TIAM2: variants seen among roughly 807,000 people sequenced by gnomAD.
The protein encoded by TIAM2 is TIAM Rac1 associated GEF 2.
TIAM2 carries 80 observed loss-of-function variants against 152.9 expected under a neutral mutation model. The ratio of observed to expected loss-of-function variants is 0.52; its 90% confidence interval spans 0.44 to 0.63. TIAM2 has a LOEUF of 0.63. TIAM2 is among the 30% of genes least tolerant of loss of function. TIAM2 has a pLI of 0.00. For missense variants in TIAM2, 1,965 were observed against 2,120.1 expected, an observed-to-expected ratio of 0.93 and a Z score of 1.44; for synonymous variants, 804 against 838.0, an observed-to-expected ratio of 0.96 and a Z score of 0.70.
chr6:155,029,414 ATACTATATATAC>A (rs1776747769), intron 1 of TIAM2, among the ~76,000 whole-genome samples: 1 of 90,558 alleles, frequency 1.1e-5, no homozygotes, highest in African/African-American at 4.3e-5. Context: ...TATATAATAT[ATACTATATATAC>A]TATAGTATAT....
At chr6:155,189,252 C>G (rs1309305570) in intron 14 of TIAM2, among the ~76,000 whole-genome samples, 1 of 152,164 alleles carries the variant, frequency 6.6e-6, no homozygotes, top group Non-Finnish European at 1.5e-5. Flanking sequence ...AGAGAATGCT[C>G]TGTTTGTGTG....
chr6:155,155,721 C>T (rs994225027), intron 7 of TIAM2, among the ~76,000 whole-genome samples: 12 of 152,234 alleles, frequency 7.9e-5, no homozygotes, highest in African/African-American at 2.6e-4. Context: ...GCAATCTGCC[C>T]GCCTTGGCCT....
intron 26 of TIAM2, chr6:155,254,784 C>A: frequency 3.6e-6 from 2 of 557,826 alleles, no homozygotes; most frequent in Non-Finnish European, 6.3e-6. Flanking sequence ...TGTCTTCCTA[C>A]CCGCTGACAT....
At chr6:155,023,327 C>T (rs539871337) in intron 1 of TIAM2, among the ~76,000 whole-genome samples, 2 of 152,184 alleles carry the variant, frequency 1.3e-5, no homozygotes, top group South Asian at 2.1e-4. Flanking sequence ...GCCACGAGGG[C>T]GGTTGTTGAT....
chr6:155,196,699 A>G lies in TIAM2; in HGVS notation c.3064+13199A>G, dbSNP rs537377744. 6.6e-5 allele frequency among the ~76,000 whole-genome samples: 10 copies of G among 152,348 alleles called. No individual in the cohort carries two copies. The South Asian group carries it at 8.3e-4, about 13-fold the overall frequency. Reference sequence around the variant, plus strand: ...CACTCATAGTGTAAGGCAAACACATATTTGTTTATAGGAGAATAAATCAAT... The same window carrying G: ...CACTCATAGTGTAAGGCAAACACATGTTTGTTTATAGGAGAATAAATCAAT... On this transcript the variant is annotated intron_variant, in intron 14 of 26. Transcript: ENST00000682666.
intron 7 of TIAM2, among the ~76,000 whole-genome samples, chr6:155,149,932 A>AG (rs1367496461): frequency 3.3e-5 from 5 of 151,294 alleles, no homozygotes; most frequent in Non-Finnish European, 5.9e-5. Flanking sequence ...AAAAAAAAAA[A>AG]GAATTCAGCA....
chr6:155,006,280 A>G (rs986234439), intron 1 of TIAM2, among the ~76,000 whole-genome samples: 11 of 152,290 alleles, frequency 7.2e-5, no homozygotes, highest in African/African-American at 2.2e-4. Flanking sequence ...GGGACAAACA[A>G]GTAAAGAAGA....
At chr6:155,200,213 A>G (rs1781445130) in intron 14 of TIAM2, among the ~76,000 whole-genome samples, 2 of 152,198 alleles carry the variant, frequency 1.3e-5, no homozygotes, top group African/African-American at 4.8e-5. Flanking sequence ...GATGATCAGA[A>G]AGGTCTTGTG....
intron 24 of TIAM2, 25 bp from the exon 25 acceptor site, chr6:155,253,948 C>G: frequency 6.3e-7 from 1 of 1,597,874 alleles, no homozygotes; most frequent in African/African-American, 1.3e-5. Context: ...GTTGTAGACT[C>G]TTGTTTCCAT....
At position 155,131,821 on chromosome 6, in the gene TIAM2, C is replaced by T. The variant is rs1779454740; in HGVS notation, c.1194+1404C>T. 2.0e-5 allele frequency among the ~76,000 whole-genome samples: 3 copies of T among 152,046 alleles called. No homozygotes were observed. In the South Asian group the frequency reaches 6.2e-4, roughly 32 times the overall value. On this transcript the variant is annotated intron_variant, in intron 4 of 26. Transcript: ENST00000682666. ...CTGGAACTCCTGACCTCAGGTGATC[C>T]ACCTGCCTCGGCCTCCCAACATGCT...
chr6:155,003,486 G>C (rs1409100757), intron 1 of TIAM2, among the ~76,000 whole-genome samples: 1 of 152,016 alleles, frequency 6.6e-6, no homozygotes, highest in Non-Finnish European at 1.5e-5. Context: ...TCTCAAAAAA[G>C]AAAAGAAATT....
chr6:155,030,043 T>C (rs1028163025), intron 1 of TIAM2, among the ~76,000 whole-genome samples: 6 of 152,184 alleles, frequency 3.9e-5, no homozygotes, highest in Non-Finnish European at 7.3e-5. Flanking sequence ...TCCTCCCACC[T>C]TGGCCTCCCA....
At chr6:155,208,873 C>G (rs1196660030) in intron 14 of TIAM2, among the ~76,000 whole-genome samples, 1 of 152,048 alleles carries the variant, frequency 6.6e-6, no homozygotes, top group Admixed American at 6.5e-5. Flanking sequence ...CATCTCTGCC[C>G]CACTCTGTGC....
At chr6:155,247,333 ATGT>A (rs201667801) in intron 19 of TIAM2, among the ~76,000 whole-genome samples, 1,846 of 151,506 alleles carry the variant, frequency 0.012, 33 homozygotes, top group Non-Finnish European at 0.015. Flanking sequence ...GGCTTTTTTG[ATGT>A]TGTTTTTTTT....
At chr6:155,063,802 A>T (rs1777636599) in intron 1 of TIAM2, among the ~76,000 whole-genome samples, 1 of 149,590 alleles carries the variant, frequency 6.7e-6, no homozygotes, top group African/African-American at 2.5e-5. Context: ...AAAAAAAAAA[A>T]GTTATGGAAC....
chr6:155,166,925 T>C lies in TIAM2; in HGVS notation c.2361+1516T>C, dbSNP rs1041247317. Among the ~76,000 whole-genome samples the C allele has an allele frequency of 2.6e-5, 4 of 152,386 alleles. No individual in the cohort carries two copies. In the East Asian group the frequency reaches 5.8e-4, roughly 22 times the overall value. On this transcript the variant is annotated intron_variant, in intron 9 of 26. Transcript: ENST00000682666. The stretch of plus-strand genomic sequence containing the variant: ...TTTATTTTCAATGAGCTGCTGTTTT[T>C]CTGATTATATTTTCAATATCATTGG...
Position 155,209,826 on chromosome 6 carries a change from T to C in TIAM2, c.3065-1378T>C, listed in dbSNP as rs190700738. ...AAGTGAGTGCCTGTGTAGTGGTTGG[T>C]AATATCAGCATGAACCAGCTACTGG... On this transcript the variant is annotated intron_variant, in intron 14 of 26. Coordinates refer to ENST00000682666, the MANE Select transcript of TIAM2 (RefSeq NM_012454.4). Among the ~76,000 whole-genome samples, 98 of 152,330 alleles carry C rather than the reference T, an allele frequency of 6.4e-4. 1 individual carries two copies. The highest frequency in any genetic ancestry group is 5.0e-3 in the Admixed American group (77 of 15,294).
At chr6:155,246,956 G>A (rs1255023148) in intron 19 of TIAM2, among the ~76,000 whole-genome samples, 2 of 152,252 alleles carry the variant, frequency 1.3e-5, no homozygotes, top group African/African-American at 4.8e-5. Context: ...TAGCACTGGT[G>A]TATCCGCTGG....
At chr6:155,144,820 C>T (rs770040781) in intron 6 of TIAM2, 42 bp downstream of exon 6, 3 of 1,546,846 alleles carry the variant, frequency 1.9e-6, no homozygotes, top group Non-Finnish European at 2.6e-6. Context: ...AGCTTATGTA[C>T]TGCTAGAATA....
Sources: gnomAD v4.1 joint callset for allele counts (sites outside exome capture counted in the v4.1 genomes callset) on GRCh38, gnomAD v4.1.1 for gene constraint, MANE v1.5 for transcripts, NCBI Gene and HGNC (gene_info 2026-07-23, HGNC 2026-07-21) for gene names.